ERP44: variants seen among roughly 807,000 people sequenced by gnomAD.
ERP44 encodes endoplasmic reticulum protein 44.
Under a neutral mutation model 53.4 loss-of-function variants are expected in ERP44, and 25 were observed. That is an observed-to-expected ratio of 0.47 (90% confidence interval 0.34 to 0.65). The LOEUF is 0.65. Among genes scored for constraint, ERP44 ranks in the 30% least tolerant of loss-of-function variants. ERP44 has a pLI of 0.01. For missense variants in ERP44, 338 were observed against 493.2 expected (o/e 0.69, Z 2.98); for synonymous variants, 145 against 161.2 (o/e 0.90, Z 0.76).
intron 8 of ERP44, 25 bp from the exon 9 acceptor site, chr9:100,007,714 A>G (rs1204958742): frequency 2.5e-6 from 3 of 1,182,950 alleles, no homozygotes; most frequent in Non-Finnish European, 3.8e-6. Context: ...ATTCAATGAG[A>G]ATTATCAGGC....
chr9:99,995,082 GTTTT>G (rs879650092), intron 10 of ERP44, among the ~76,000 whole-genome samples: 1 of 150,506 alleles, frequency 6.6e-6, no homozygotes, highest in Admixed American at 6.6e-5. Flanking sequence ...TACCTAGGTA[GTTTT>G]TTTTTCCCCC....
At chr9:100,098,329 G>C (rs770404370) in intron 1 of ERP44, among the ~76,000 whole-genome samples, 18 of 152,140 alleles carry the variant, frequency 1.2e-4, no homozygotes, top group Admixed American at 5.9e-4. Flanking sequence ...ACAACAGAGG[G>C]ATCTGCCAAC....
chr9:100,069,367 T>G (rs1826274623), intron 1 of ERP44, among the ~76,000 whole-genome samples: 1 of 152,100 alleles, frequency 6.6e-6, no homozygotes, highest in Non-Finnish European at 1.5e-5. Flanking sequence ...GTATATATAT[T>G]TGTAAGTGCC....
intron 4 of ERP44, among the ~76,000 whole-genome samples, chr9:100,040,553 A>C (rs530295571): frequency 6.6e-6 from 1 of 152,326 alleles, no homozygotes; most frequent in African/African-American, 2.4e-5. Context: ...ACCCACAGCT[A>C]GTATCATACT....
At chr9:100,068,340 C>T (rs1355108641) in intron 1 of ERP44, among the ~76,000 whole-genome samples, 2 of 121,880 alleles carry the variant, frequency 1.6e-5, no homozygotes, top group African/African-American at 3.4e-5. Flanking sequence ...GTGGGGGGGT[C>T]AGCCCCCCGC....
chr9:100,091,125 A>G (rs1029783705), intron 1 of ERP44, among the ~76,000 whole-genome samples: 2 of 152,166 alleles, frequency 1.3e-5, no homozygotes, highest in Admixed American at 6.5e-5. Flanking sequence ...TCTCTACTAT[A>G]TTAGCAATGT....
Position 100,009,961 on chromosome 9 carries a change from GC to G in ERP44, c.763-2273del, listed in dbSNP as rs1830456698. On this transcript the variant is annotated intron_variant, in intron 8 of 11. Coordinates refer to ENST00000262455, the MANE Select transcript of ERP44 (RefSeq NM_015051.3). Reference sequence around the variant, plus strand: ...AAATTCTTTTTTCTAAACTCCAAGAGCATTTTATCAATGGAAAATTCTTTTT... The same window carrying G: ...AAATTCTTTTTTCTAAACTCCAAGAGATTTTATCAATGGAAAATTCTTTTT... Among the ~76,000 whole-genome samples, 3 of 47,216 alleles carry G rather than the reference GC, an allele frequency of 6.4e-5. No individual in the cohort carries two copies. The South Asian group carries it at 6.5e-3, about 102-fold the overall frequency. 31.0% of individuals were successfully genotyped at this position (47,216 alleles called of 152,430 possible).
intron 1 of ERP44, among the ~76,000 whole-genome samples, chr9:100,075,133 A>ACTTGCGTCTGACTTAAATTTAGGGACG (rs1419233066): frequency 6.6e-6 from 1 of 152,214 alleles, no homozygotes; most frequent in African/African-American, 2.4e-5. Context: ...AAGGGTGGTG[A>ACTTGCGTCTGACTTAAATTTAGGGACG]TTCCCAGCAC....
intron 10 of ERP44, among the ~76,000 whole-genome samples, chr9:99,996,445 A>G (rs1830310450): frequency 6.6e-6 from 1 of 152,186 alleles, no homozygotes; most frequent in African/African-American, 2.4e-5. Flanking sequence ...AGCCTGTAGA[A>G]CCATAAGCTA....
intron 8 of ERP44, among the ~76,000 whole-genome samples, chr9:100,008,744 T>C (rs1366213325): frequency 6.6e-6 from 1 of 152,196 alleles, no homozygotes; most frequent in Non-Finnish European, 1.5e-5. Context: ...AAAACTGAGA[T>C]ACAATTAGCA....
chr9:100,007,330 C>T (rs184073977), intron 9 of ERP44, among the ~76,000 whole-genome samples: 1 of 152,142 alleles, frequency 6.6e-6, no homozygotes, highest in Non-Finnish European at 1.5e-5. Flanking sequence ...CATTCATGAC[C>T]CTGCTTTTCA....
intron 3 of ERP44, among the ~76,000 whole-genome samples, chr9:100,057,057 A>G (rs1002636312): frequency 5.3e-5 from 8 of 152,236 alleles, no homozygotes; most frequent in African/African-American, 7.2e-5. Flanking sequence ...AGGAGACTGT[A>G]GCATGAATTT....
intron 1 of ERP44, among the ~76,000 whole-genome samples, chr9:100,086,910 A>G (rs1826491084): frequency 6.6e-6 from 1 of 152,038 alleles, no homozygotes; most frequent in Admixed American, 6.5e-5. Flanking sequence ...TTAATCTAAC[A>G]GTATCTTCTA....
At position 99,983,417 on chromosome 9, in the gene ERP44, C is replaced by T. The variant is rs891890577; in HGVS notation, c.1120-704G>A. Among the ~76,000 whole-genome samples, 19 of 151,538 alleles carry T rather than the reference C, an allele frequency of 1.3e-4. No individual in the cohort carries two copies. In the South Asian group the frequency reaches 3.1e-3, roughly 25 times the overall value. ...AAAATTAGCCGGGCGCGGTGGCGGG[C>T]GCCTGTAGTCCCAGCTACTCGGGAG... On this transcript the variant is annotated intron_variant, in intron 11 of 11. Coordinates refer to ENST00000262455, the MANE Select transcript of ERP44 (RefSeq NM_015051.3).
intron 1 of ERP44, among the ~76,000 whole-genome samples, chr9:100,070,685 C>A (rs1826291227): frequency 6.6e-6 from 1 of 152,160 alleles, no homozygotes; most frequent in African/African-American, 2.4e-5. Context: ...TTAACAACAA[C>A]CAATTTGAAC....
chr9:100,081,905 A>G (rs1257194140), intron 1 of ERP44, among the ~76,000 whole-genome samples: 1 of 152,200 alleles, frequency 6.6e-6, no homozygotes, highest in African/African-American at 2.4e-5. Context: ...AACTGCATAC[A>G]TGACAACCAA....
At chr9:100,098,368 A>T (rs1023537213) in intron 1 of ERP44, among the ~76,000 whole-genome samples, 1 of 152,192 alleles carries the variant, frequency 6.6e-6, no homozygotes, top group African/African-American at 2.4e-5. Flanking sequence ...ATCTAGACCC[A>T]GTGAGAGTCA....
intron 4 of ERP44, among the ~76,000 whole-genome samples, chr9:100,037,829 C>T (rs376187404): frequency 1.3e-5 from 2 of 152,100 alleles, no homozygotes; most frequent in African/African-American, 2.4e-5. Context: ...GCCTGAATAA[C>T]CAGCAGCAAG....
At chr9:100,067,391 C>G (rs1587979566) in intron 1 of ERP44, among the ~76,000 whole-genome samples, 2 of 152,240 alleles carry the variant, frequency 1.3e-5, no homozygotes, top group South Asian at 2.1e-4. Flanking sequence ...CGGGGTTTCG[C>G]TGTGTTGGCC....
Sources: allele counts gnomAD v4.1 joint callset (sites outside exome capture counted in the v4.1 genomes callset), GRCh38; gene constraint gnomAD v4.1.1; transcripts MANE v1.5; gene names NCBI Gene and HGNC (gene_info 2026-07-23, HGNC 2026-07-21).